Variants in DPP6 observed in about 807,000 individuals in gnomAD.
The protein encoded by DPP6 is dipeptidyl peptidase like 6.
In DPP6, 69 loss-of-function variants were observed where a neutral mutation model predicts 122.6. The observed-to-expected ratio is 0.56, with a 90% CI of 0.46 to 0.69. DPP6 has a LOEUF of 0.69. Ranked by LOEUF, DPP6 falls within the 30% of genes least tolerant of loss-of-function variation. The pLI, the probability that DPP6 is intolerant of heterozygous loss-of-function variation, is 0.00. For synonymous variants in DPP6, 418 were observed against 433.1 expected (o/e 0.97, Z 0.43); for missense variants, 928 against 1,116.9 (o/e 0.83, Z 2.41).
intron 1 of DPP6, among the ~76,000 whole-genome samples, chr7:153,906,431 A>T (rs897599911): frequency 1.3e-5 from 2 of 152,140 alleles, no homozygotes; most frequent in Non-Finnish European, 2.9e-5. Context: ...ACTCCCAGTT[A>T]TAAGTGAGGA....
At chr7:154,161,308 C>T (rs551101662) in intron 1 of DPP6, among the ~76,000 whole-genome samples, 370 of 152,292 alleles carry the variant, frequency 2.4e-3, no homozygotes, top group African/African-American at 8.3e-3. Flanking sequence ...ACCAGCCTGG[C>T]CAACATGGTG....
the DPP6 span, among the ~76,000 whole-genome samples, chr7:153,811,269 T>C: frequency 1.3e-5 from 2 of 152,196 alleles, no homozygotes; most frequent in African/African-American, 2.4e-5. Context: ...TTCTGATCAA[T>C]GTCCTCTTAC....
chr7:153,861,034 T>C, the DPP6 span, among the ~76,000 whole-genome samples: 14 of 152,336 alleles, frequency 9.2e-5, no homozygotes, highest in African/African-American at 3.1e-4. Context: ...AAGAAAGTTA[T>C]GGTCTCTTCA....
intron 1 of DPP6, among the ~76,000 whole-genome samples, chr7:154,344,755 G>T (rs905852442): frequency 6.6e-6 from 1 of 152,098 alleles, no homozygotes; most frequent in African/African-American, 2.4e-5. Context: ...GGGCGTCTTG[G>T]TGCACACCTG....
chr7:154,365,913 G>C (rs10277826), intron 1 of DPP6, among the ~76,000 whole-genome samples: 1 of 144,564 alleles, frequency 6.9e-6, no homozygotes, highest in Non-Finnish European at 1.5e-5. Context: ...AGCCGAGATC[G>C]CGCCACTGCG....
intron 7 of DPP6, among the ~76,000 whole-genome samples, chr7:154,713,020 G>A (rs1307831573): frequency 6.6e-6 from 1 of 152,218 alleles, no homozygotes; most frequent in Non-Finnish European, 1.5e-5. Flanking sequence ...GATACAATGG[G>A]GGTACAGGCA....
At chr7:154,286,058 T>G (rs796098684) in intron 1 of DPP6, among the ~76,000 whole-genome samples, 6 of 152,316 alleles carry the variant, frequency 3.9e-5, no homozygotes, top group African/African-American at 1.4e-4. Flanking sequence ...AAAACATAGA[T>G]TCTCTTGATC....
At chr7:154,053,184 A>C in intron 1 of DPP6, 121 bp downstream of exon 1, 1 of 886,086 alleles carries the variant, frequency 1.1e-6, no homozygotes, top group African/African-American at 1.9e-5. Context: ...CCCGCCCACG[A>C]CTCTCCGGGC....
intron 1 of DPP6, among the ~76,000 whole-genome samples, chr7:154,125,621 G>C (rs149573361): frequency 0.012 from 1,879 of 152,254 alleles, 50 homozygotes; most frequent in African/African-American, 0.044. Context: ...TATTTTATCA[G>C]TGCACAAAAA....
intron 1 of DPP6, among the ~76,000 whole-genome samples, chr7:154,395,998 T>C (rs1363725459): frequency 1.3e-5 from 2 of 152,126 alleles, no homozygotes; most frequent in Non-Finnish European, 2.9e-5. Context: ...AAATGCTTTT[T>C]CTGCATCAAT....
In DPP6 at chr7:154,818,659, T is replaced by C. The variant is rs535724159; in HGVS notation, c.1666+11547T>C. Among the ~76,000 whole-genome samples, 4 of 152,224 alleles carry C rather than the reference T, an allele frequency of 2.6e-5. No homozygotes were observed. In the East Asian group the frequency reaches 5.8e-4, roughly 22 times the overall value. ...TAGTTAATCCTCTAGACATCTCTTA[T>C]ATCAAAATTTCCAAGAAATTTACCT... On this transcript the variant is annotated intron_variant, in intron 16 of 25. Transcript: ENST00000377770.
intron 1 of DPP6, among the ~76,000 whole-genome samples, chr7:154,029,907 A>G (rs1188556220): frequency 6.6e-6 from 1 of 151,852 alleles, no homozygotes; most frequent in East Asian, 1.9e-4. Context: ...AAAAATTAGC[A>G]ATTTTAGGCC....
At chr7:153,759,259 T>G in the DPP6 span, among the ~76,000 whole-genome samples, 1 of 151,962 alleles carries the variant, frequency 6.6e-6, no homozygotes, top group East Asian at 1.9e-4. Context: ...CATAAATGTC[T>G]TTATCAGCTA....
chr7:154,357,050 C>T (rs1398249480), intron 1 of DPP6, among the ~76,000 whole-genome samples: 1 of 152,132 alleles, frequency 6.6e-6, no homozygotes, highest in Non-Finnish European at 1.5e-5. Flanking sequence ...TCATAGACAA[C>T]ACTATTGATA....
chr7:154,213,537 C>T (rs1361953262), intron 1 of DPP6, among the ~76,000 whole-genome samples: 3 of 152,212 alleles, frequency 2.0e-5, no homozygotes, highest in Admixed American at 6.5e-5. Context: ...TCAGCTTCAT[C>T]AGTGCCCTTG....
chr7:154,432,528 G>A (rs934940264), intron 1 of DPP6, among the ~76,000 whole-genome samples: 3 of 152,142 alleles, frequency 2.0e-5, no homozygotes, highest in Non-Finnish European at 4.4e-5. Flanking sequence ...GGGTTTTCGG[G>A]GGGAAACACA....
At chr7:153,895,291 T>C (rs1437584261) in intron 1 of DPP6, among the ~76,000 whole-genome samples, 1 of 152,204 alleles carries the variant, frequency 6.6e-6, no homozygotes, top group Admixed American at 6.5e-5. Flanking sequence ...CAGAAGTTGT[T>C]CTGGGATTTG....
intron 1 of DPP6, among the ~76,000 whole-genome samples, chr7:153,990,893 G>T (rs185695905): frequency 2.6e-5 from 4 of 152,246 alleles, no homozygotes; most frequent in Admixed American, 2.6e-4. Context: ...CTTATTTGCT[G>T]GAAGTCTGTT....
chr7:153,827,326 T>G, the DPP6 span, among the ~76,000 whole-genome samples: 1 of 152,210 alleles, frequency 6.6e-6, no homozygotes. Context: ...TGTCATATGT[T>G]GTACTTGTGC....
Sources: allele counts gnomAD v4.1 joint callset (sites outside exome capture counted in the v4.1 genomes callset), GRCh38; gene constraint gnomAD v4.1.1; transcripts MANE v1.5; gene names NCBI Gene and HGNC (gene_info 2026-07-23, HGNC 2026-07-21).